The following LTBP1 variants were observed in gnomAD, a reference collection of about 807,000 sequenced individuals.
LTBP1 encodes the protein latent-transforming growth factor beta-binding protein 1.
Under a neutral mutation model 207.6 loss-of-function variants are expected in LTBP1, and 129 were observed. The observed-to-expected ratio is 0.62, with a 90% CI of 0.54 to 0.72. The LOEUF (loss-of-function observed/expected upper bound fraction) is 0.72, where lower values mean the gene tolerates loss of function less well. Among genes scored for constraint, LTBP1 ranks in the 30% least tolerant of loss-of-function variants. The probability of loss-of-function intolerance (pLI) is 0.00; values close to 1 mark genes in which losing one functional copy is unlikely to be tolerated. For missense variants in LTBP1, 2,281 were observed against 2,217.2 expected (o/e 1.03, Z -0.58); for synonymous variants, 963 against 833.7 (o/e 1.16, Z -2.67).
chr2:33,260,150 G>A (rs2092971826), intron 13 of LTBP1, among the ~76,000 whole-genome samples: 1 of 152,098 alleles, frequency 6.6e-6, no homozygotes, highest in Non-Finnish European at 1.5e-5. Context: ...GGGCATAGAT[G>A]GGGGCTATGA....
intron 7 of LTBP1, among the ~76,000 whole-genome samples, chr2:33,214,192 C>T (rs188100646): frequency 6.6e-6 from 1 of 152,312 alleles, no homozygotes; most frequent in Admixed American, 6.5e-5. Flanking sequence ...AAACCCTAAG[C>T]ATGCTTTGGC....
chr2:33,206,405 T>C (rs539381452), intron 7 of LTBP1, among the ~76,000 whole-genome samples: 12 of 152,288 alleles, frequency 7.9e-5, no homozygotes, highest in Admixed American at 1.3e-4. Context: ...TTTATAGACA[T>C]GAAGCTTAAT....
chr2:33,197,310 G>A (rs991692361), intron 7 of LTBP1, among the ~76,000 whole-genome samples: 4 of 152,160 alleles, frequency 2.6e-5, no homozygotes, highest in African/African-American at 4.8e-5. Context: ...GTGCTACCTG[G>A]AGTAAGTTGT....
chr2:33,124,326 C>CT (rs2081319279), intron 4 of LTBP1, among the ~76,000 whole-genome samples: 1 of 152,168 alleles, frequency 6.6e-6, no homozygotes, highest in South Asian at 2.1e-4. Flanking sequence ...AGGAGAATCA[C>CT]TTGAACCCAG....
At chr2:32,959,848 T>G (rs1035334011) in intron 2 of LTBP1, among the ~76,000 whole-genome samples, 10 of 151,636 alleles carry the variant, frequency 6.6e-5, no homozygotes, top group African/African-American at 2.4e-4. Context: ...CTTGAACTCC[T>G]GACCTCAGGT....
In LTBP1 at chr2:33,282,803, G is replaced by A. The variant is rs193108064; in HGVS notation, c.3112+2645G>A. 8.3e-4 allele frequency among the ~76,000 whole-genome samples: 126 copies of A among 152,240 alleles called. 3 individuals carry two copies. The East Asian group carries it at 0.023, about 28-fold the overall frequency. On this transcript the variant is annotated intron_variant, in intron 19 of 33. Coordinates refer to ENST00000404816, the MANE Select transcript of LTBP1 (RefSeq NM_206943.4). ...AAATAGGCCAGGCACGGTGGCTCAC[G>A]CCTGTAATCCCAGCACTTTGGGAGG...
chr2:33,029,191 A>G (rs2075571968), intron 3 of LTBP1, among the ~76,000 whole-genome samples: 1 of 152,136 alleles, frequency 6.6e-6, no homozygotes, highest in Non-Finnish European at 1.5e-5. Flanking sequence ...GCTAGTTATT[A>G]TTTGTCCGGG....
At chr2:33,049,561 C>T (rs2149487709) in intron 3 of LTBP1, among the ~76,000 whole-genome samples, 1 of 152,188 alleles carries the variant, frequency 6.6e-6, no homozygotes, top group Middle Eastern at 3.4e-3. Flanking sequence ...TTCAATCATG[C>T]CGCAGTCACT....
chr2:33,121,980 T>C (rs1409686448), intron 4 of LTBP1, among the ~76,000 whole-genome samples: 1 of 152,088 alleles, frequency 6.6e-6, no homozygotes, highest in East Asian at 1.9e-4. Context: ...ATAAACATGG[T>C]AAATCGTATA....
chr2:33,170,393 C>T (rs1214056392), intron 5 of LTBP1, among the ~76,000 whole-genome samples: 3 of 152,082 alleles, frequency 2.0e-5, no homozygotes, highest in African/African-American at 4.8e-5. Flanking sequence ...CATAGAGTCT[C>T]GCTGATTGCT....
Position 33,217,595 on chromosome 2 carries a change from G to T in LTBP1, c.1745G>T (p.Cys582Phe). Residue 582 changes from cysteine to phenylalanine, a missense_variant, in exon 8 of 34, where the codon TGT (cysteine) becomes TTT (phenylalanine). This residue lies in a region of LTBP1 where 1,671 missense variants were observed against 1,634.8 expected (regional missense o/e 1.02). Transcript: ENST00000404816. ...LPGLSKQEDC[C>F]GTVGTSWGFN... ...GGCCTTTCAAAGCAAGAGGACTGCTGTGGAACTGTGGGTACCTCCTGGGGC... is the reference window on the plus strand; with the variant it reads ...GGCCTTTCAAAGCAAGAGGACTGCTTTGGAACTGTGGGTACCTCCTGGGGC... The T allele has an allele frequency of 6.2e-7, 1 of 1,614,004 alleles. No homozygotes were observed. Among genetic ancestry groups the T allele is most frequent in the Non-Finnish European group, 8.5e-7 (1 of 1,179,902 alleles).
intron 2 of LTBP1, among the ~76,000 whole-genome samples, chr2:32,996,380 C>A (rs1421763404): frequency 6.6e-6 from 1 of 152,272 alleles, no homozygotes; most frequent in African/African-American, 2.4e-5. Flanking sequence ...GACCTAATCA[C>A]CCTCCAAAGG....
At chr2:33,150,351 A>C (rs965071994) in intron 5 of LTBP1, among the ~76,000 whole-genome samples, 2 of 152,162 alleles carry the variant, frequency 1.3e-5, no homozygotes, top group Non-Finnish European at 2.9e-5. Context: ...AGACCCCCCA[A>C]ACCCATAATT....
At chr2:33,035,612 A>G (rs954687453) in intron 3 of LTBP1, among the ~76,000 whole-genome samples, 2 of 152,262 alleles carry the variant, frequency 1.3e-5, no homozygotes, top group Non-Finnish European at 2.9e-5. Flanking sequence ...ATGGAGAAGA[A>G]TGCAAAAGCA....
chr2:33,366,762 C>G (rs2094993556), intron 31 of LTBP1, among the ~76,000 whole-genome samples: 1 of 152,174 alleles, frequency 6.6e-6, no homozygotes, highest in African/African-American at 2.4e-5. Context: ...GGGGTAATTA[C>G]TAGCTTTACT....
chr2:33,201,086 A>G (rs1180428570), intron 7 of LTBP1, among the ~76,000 whole-genome samples: 1 of 152,240 alleles, frequency 6.6e-6, no homozygotes, highest in Non-Finnish European at 1.5e-5. Context: ...TAAGGGATCT[A>G]GAATTAGAAA....
chr2:33,071,751 A>C (rs1055648139), intron 3 of LTBP1, among the ~76,000 whole-genome samples: 1 of 152,154 alleles, frequency 6.6e-6, no homozygotes, highest in Non-Finnish European at 1.5e-5. Context: ...CACACGTGGG[A>C]CATGTTCATC....
intron 9 of LTBP1, among the ~76,000 whole-genome samples, chr2:33,224,385 A>G (rs1039707910): frequency 5.9e-5 from 9 of 152,166 alleles, no homozygotes; most frequent in Non-Finnish European, 4.4e-5. Context: ...AATTTCTCTT[A>G]ATGTCAAATG....
intron 2 of LTBP1, among the ~76,000 whole-genome samples, chr2:32,985,772 G>C (rs1410270394): frequency 1.3e-5 from 2 of 152,204 alleles, no homozygotes; most frequent in Non-Finnish European, 2.9e-5. Context: ...TCTCAGTGAT[G>C]GATGGGGCCC....
Sources: allele counts gnomAD v4.1 joint callset (sites outside exome capture counted in the v4.1 genomes callset), GRCh38; gene constraint gnomAD v4.1.1; regional missense constraint gnomAD v4.1.1; transcripts MANE v1.5; gene names NCBI Gene and HGNC (gene_info 2026-07-23, HGNC 2026-07-21).